Variants in WWOX observed in about 807,000 individuals in gnomAD.
The protein encoded by WWOX is WW domain containing oxidoreductase, also known as WW domain-containing oxidoreductase.
A neutral mutation model predicts 46.2 loss-of-function variants in WWOX; 69 were observed. The ratio of observed to expected loss-of-function variants is 1.49; its 90% CI spans 1.23 to 1.82. The LOEUF (loss-of-function observed/expected upper bound fraction) is 1.82. WWOX is among the 40% of genes most tolerant of loss of function. The pLI is 0.00. For missense variants in WWOX, 919 were observed against 542.6 expected, an observed-to-expected ratio of 1.69 and a Z score of -6.89; for synonymous variants, 359 against 202.6, an observed-to-expected ratio of 1.77 and a Z score of -6.56.
chr16:78,633,896 G>GTTT (rs4035834), intron 8 of WWOX, among the ~76,000 whole-genome samples: 14 of 134,656 alleles, frequency 1.0e-4, no homozygotes, highest in African/African-American at 3.5e-4. Flanking sequence ...CATCTGAGGT[G>GTTT]TTTTTTTTTT....
At chr16:79,043,700 G>A (rs2150516152) in intron 8 of WWOX, among the ~76,000 whole-genome samples, 1 of 152,320 alleles carries the variant, frequency 6.6e-6, no homozygotes, top group East Asian at 1.9e-4. Flanking sequence ...AGTATAGACT[G>A]GGCAGAGGAA....
intron 8 of WWOX, among the ~76,000 whole-genome samples, chr16:79,128,592 T>G (rs1029720425): frequency 4.0e-4 from 61 of 152,202 alleles, no homozygotes; most frequent in African/African-American, 1.4e-3. Flanking sequence ...CGGTTTGATT[T>G]CAGTAGCAAA....
At chr16:79,031,267 C>G (rs77395764) in intron 8 of WWOX, among the ~76,000 whole-genome samples, 1 of 152,112 alleles carries the variant, frequency 6.6e-6, no homozygotes, top group Non-Finnish European at 1.5e-5. Context: ...GTGTGGGGTG[C>G]TGAGAGGTAC....
intron 5 of WWOX, among the ~76,000 whole-genome samples, chr16:78,191,869 A>G (rs954706293): frequency 1.3e-5 from 2 of 152,322 alleles, no homozygotes; most frequent in African/African-American, 2.4e-5. Flanking sequence ...GGAGTGATGG[A>G]TGGAATGCCT....
chr16:78,894,110 C>G (rs1211657913), intron 8 of WWOX, among the ~76,000 whole-genome samples: 1 of 151,042 alleles, frequency 6.6e-6, no homozygotes, highest in East Asian at 1.9e-4. Flanking sequence ...GTAGTCATGG[C>G]TCACTGCAGC....
At chr16:79,093,781 C>T (rs1377681154) in intron 8 of WWOX, among the ~76,000 whole-genome samples, 1 of 152,218 alleles carries the variant, frequency 6.6e-6, no homozygotes. Flanking sequence ...ATACTTTTCT[C>T]TCTTGCTTCC....
intron 8 of WWOX, among the ~76,000 whole-genome samples, chr16:78,600,294 C>A (rs778045653): frequency 6.6e-6 from 1 of 151,892 alleles, no homozygotes; most frequent in African/African-American, 2.4e-5. Context: ...ATCACAGGGT[C>A]ACCTGTAGGT....
At chr16:79,101,846 T>C (rs2049202715) in intron 8 of WWOX, 1 of 151,362 alleles carries the variant, frequency 6.6e-6, no homozygotes, top group Admixed American at 6.6e-5. Flanking sequence ...GTTTTATGGC[T>C]GTGGTTTTCA....
chr16:78,524,906 C>T (rs1199825295), intron 8 of WWOX, among the ~76,000 whole-genome samples: 2 of 141,678 alleles, frequency 1.4e-5, no homozygotes, highest in Non-Finnish European at 3.0e-5. Context: ...AGGTCTGGCA[C>T]CCAGGCTGGA....
At chr16:78,997,300 C>G (rs2047009822) in intron 8 of WWOX, among the ~76,000 whole-genome samples, 1 of 152,178 alleles carries the variant, frequency 6.6e-6, no homozygotes, top group Admixed American at 6.5e-5. Context: ...TTCCTTAAAA[C>G]CATACCTATA....
At chr16:78,940,674 C>CTTTTTTT (rs61366482) in intron 8 of WWOX, among the ~76,000 whole-genome samples, 1 of 138,644 alleles carries the variant, frequency 7.2e-6, no homozygotes. Context: ...CTTAGGTTAA[C>CTTTTTTT]TTTTTTTTTT....
intron 8 of WWOX, among the ~76,000 whole-genome samples, chr16:78,846,602 G>GT (rs2052305306): frequency 6.6e-6 from 1 of 152,152 alleles, no homozygotes; most frequent in Non-Finnish European, 1.5e-5. Context: ...CAGAGGATGT[G>GT]TAATGTGAAA....
At chr16:78,118,873 T>G (rs11645973) in intron 4 of WWOX, 5 of 151,776 alleles carry the variant, frequency 3.3e-5, no homozygotes, top group Non-Finnish European at 7.4e-5. Flanking sequence ...AACCCCCGCC[T>G]TTTTTTTAGG....
At position 78,113,687 on chromosome 16, in the gene WWOX, T is replaced by C. The variant is rs1486536753; in HGVS notation, c.231-1289T>C. 2.6e-5 allele frequency among the ~76,000 whole-genome samples: 4 copies of C among 152,198 alleles called. No individual in the cohort carries two copies. The East Asian group carries it at 7.7e-4, about 29-fold the overall frequency. On this transcript the variant is annotated intron_variant, in intron 3 of 8. Coordinates refer to ENST00000566780, the MANE Select transcript of WWOX (RefSeq NM_016373.4). ...GTATAAATACTTTGGCCATAGCTGA[T>C]TTCATGCTGCCAAGGTGAAGTGAGG...
At chr16:78,646,555 G>A (rs1296497020) in intron 8 of WWOX, among the ~76,000 whole-genome samples, 2 of 152,090 alleles carry the variant, frequency 1.3e-5, no homozygotes, top group Non-Finnish European at 2.9e-5. Flanking sequence ...AGCCTCTCTG[G>A]TAGCTGGAAT....
chr16:78,168,955 A>G (rs901419183), intron 5 of WWOX, among the ~76,000 whole-genome samples: 1 of 152,240 alleles, frequency 6.6e-6, no homozygotes, highest in Admixed American at 6.5e-5. Flanking sequence ...CAATTAAAAC[A>G]GGATAACATG....
intron 8 of WWOX, among the ~76,000 whole-genome samples, chr16:79,174,056 A>G (rs1461446731): frequency 6.6e-6 from 1 of 152,344 alleles, no homozygotes; most frequent in East Asian, 1.9e-4. Flanking sequence ...AGTGGTGCTC[A>G]CATACAGTCA....
chr16:78,886,354 T>G (rs1110089), intron 8 of WWOX, among the ~76,000 whole-genome samples: 54,197 of 151,364 alleles, frequency 0.36, 10,722 homozygotes, highest in Non-Finnish European at 0.44. Flanking sequence ...GTATTCTACT[T>G]TATTTACTCA....
chr16:79,164,477 C>T (rs1291139203), intron 8 of WWOX, among the ~76,000 whole-genome samples: 4 of 151,398 alleles, frequency 2.6e-5, no homozygotes, highest in Non-Finnish European at 4.4e-5. Context: ...GATGTTCATT[C>T]AGGCAGGGAT....
Sources: gnomAD v4.1 joint callset for allele counts (sites outside exome capture counted in the v4.1 genomes callset) on GRCh38, gnomAD v4.1.1 for gene constraint, MANE v1.5 for transcripts, NCBI Gene and HGNC (gene_info 2026-07-23, HGNC 2026-07-21) for gene names.